The following MAST1 variants were observed in gnomAD, a reference collection of about 807,000 sequenced individuals.
The protein encoded by MAST1 is microtubule-associated serine/threonine-protein kinase 1.
Under a neutral mutation model 124.6 loss-of-function variants are expected in MAST1, and 40 were observed. That is an observed-to-expected ratio of 0.32 (90% CI 0.25 to 0.42). The LOEUF (loss-of-function observed/expected upper bound fraction) is 0.42. Ranked by LOEUF, MAST1 falls within the 10% of genes least tolerant of loss-of-function variation. MAST1 has a pLI of 1.00. For missense variants in MAST1, 1,558 were observed against 2,181.9 expected (o/e 0.71, Z 5.70); for synonymous variants, 938 against 939.4 (o/e 1.00, Z 0.03).
Position 12,867,965 on chromosome 19 carries a change from G to T in MAST1, c.2554G>T (p.Asp852Tyr), listed in dbSNP as rs372595798. The T allele has an allele frequency of 6.4e-6, 10 of 1,552,526 alleles. No individual in the cohort carries two copies. In the African/African-American group the frequency reaches 1.1e-4, roughly 17 times the overall value. ...TQGEGTSSAG[D>Y]SEATDRPRPG... is the part of the protein sequence containing the mutation. The stretch of plus-strand genomic sequence containing the variant: ...AGGGGAAGGCACCTCCAGCGCCGGG[G>T]ACTCCGAGGCCAGTGAGTGCCCTAT... The change falls in exon 20 of 26, where the codon GAC (aspartate) becomes TAC (tyrosine). Residue 852 changes from aspartate (D) to tyrosine (Y), a missense_variant. By Grantham distance (160) the Asp-to-Tyr change is radical (BLOSUM62 -3). Coordinates refer to ENST00000251472, the MANE Select transcript of MAST1 (RefSeq NM_014975.3).
rs369179397 is a variant in MAST1 at position 12,843,657 on chromosome 19, C to T, written c.327+50C>T. On this transcript the variant is annotated intron_variant, in intron 4 of 25. Transcript: ENST00000251472. The surrounding 1 kb of genome is among the most constrained non-coding windows in gnomAD (Gnocchi z 4.9). ...GGCCGGTGGGTAAGGAATTCAGGGG[C>T]CCTCCAGCCTGAAGACCCACACCCA... is the stretch of plus-strand genomic sequence containing the variant. 8.4e-6 allele frequency: 13 copies of T among 1,548,534 alleles called. No homozygotes were observed. In the African/African-American group the frequency reaches 1.4e-4, roughly 16 times the overall value.
chr19:12,867,043 G>A (rs1326038305), intron 18 of MAST1, among the ~76,000 whole-genome samples: 13 of 152,162 alleles, frequency 8.5e-5, no homozygotes, highest in Non-Finnish European at 2.9e-5. Flanking sequence ...TCAGGACGTG[G>A]GAATGAGGCC....
At chr19:12,857,644 C>T (rs1435297600) in intron 10 of MAST1, among the ~76,000 whole-genome samples, 4 of 152,120 alleles carry the variant, frequency 2.6e-5, no homozygotes, top group Middle Eastern at 6.3e-3. Flanking sequence ...GATCTCCTGA[C>T]CGCATGATCC....
chr19:12,843,649 T>C lies in MAST1; in HGVS notation c.327+42T>C, dbSNP rs1444621701. On this transcript the variant is annotated intron_variant, in intron 4 of 25. Transcript: ENST00000251472. The surrounding 1 kb of genome is among the most constrained non-coding windows in gnomAD (Gnocchi z 4.9). ...GGTGGGTGGGCCGGTGGGTAAGGAA[T>C]TCAGGGGCCCTCCAGCCTGAAGACC... The C allele has an allele frequency of 1.3e-6, 2 of 1,576,130 alleles. No homozygotes were observed. The highest frequency in any genetic ancestry group is 2.7e-5 in the African/African-American group (2 of 73,838).
Position 12,868,689 on chromosome 19 carries a change from G to A in MAST1, c.2613G>A (p.Gly871=). 1.2e-6 allele frequency: 2 copies of A among 1,611,802 alleles called. No homozygotes were observed. The highest frequency in any genetic ancestry group is 1.7e-6 in the Non-Finnish European group (2 of 1,178,440). Residue 871 remains glycine, a synonymous_variant, in exon 21 of 26, where the codon GGG becomes GGA. Transcript: ENST00000251472. Reference sequence around the variant, plus strand: ...ACCTCTGCCCACCCTCGAAGGATGGGGATGCATCAGGCCCAAGGGCTACCA... The same window carrying A: ...ACCTCTGCCCACCCTCGAAGGATGGAGATGCATCAGGCCCAAGGGCTACCA... ...PGDLCPPSKD[G]DASGPRATND... is the part of the protein sequence containing the mutation.
rs1309797984 is a variant in MAST1, at chr19:12,847,695, G to A, written c.564+8G>A. 6.2e-7 allele frequency: 1 copy of A among 1,613,410 alleles called. No homozygotes were observed. The highest frequency in any genetic ancestry group is 1.3e-5 in the African/African-American group (1 of 74,992). On this transcript the variant is annotated splice_region_variant and intron_variant, in intron 6 of 25. Transcript: ENST00000251472. This position sits in a 1 kb window ranked among gnomAD's most constrained non-coding sequence, Gnocchi z 5.5. Reference sequence around the variant, plus strand: ...AAGGAGAGGTTCCCGAAGGTGAGGTGGGACCCGAGGCGGTCACGGGGTGAC... The same window carrying A: ...AAGGAGAGGTTCCCGAAGGTGAGGTAGGACCCGAGGCGGTCACGGGGTGAC...
chr19:12,872,177 A>G (rs750243304), intron 24 of MAST1, among the ~76,000 whole-genome samples: 6 of 152,172 alleles, frequency 3.9e-5, no homozygotes, highest in Non-Finnish European at 7.3e-5. Flanking sequence ...ATGCCAGGCA[A>G]GGTTCAGCCA....
At chr19:12,858,163 A>G (rs1041965438) in intron 10 of MAST1, among the ~76,000 whole-genome samples, 199 bp from the exon 11 acceptor site, 7 of 151,756 alleles carry the variant, frequency 4.6e-5, no homozygotes, top group African/African-American at 1.2e-4. Flanking sequence ...GTTTCCTGCT[A>G]TCTTTTCTAG....
chr19:12,840,711 T>TG (rs948602207), intron 2 of MAST1, among the ~76,000 whole-genome samples, 177 bp downstream of exon 2: 2 of 151,176 alleles, frequency 1.3e-5, no homozygotes, highest in Non-Finnish European at 3.0e-5. Context: ...GGACGGTCAT[T>TG]GGGGGGCGGA....
chr19:12,849,782 ATATT>A lies in MAST1; in HGVS notation c.774+1743_774+1746del, dbSNP rs200178115. On this transcript the variant is annotated intron_variant, in intron 7 of 25. Coordinates refer to ENST00000251472, the MANE Select transcript of MAST1 (RefSeq NM_014975.3). ...ACTTGATCATTCATTAATTCCACCA[ATATT>A]TATTTATTTATTTATTTTATTTTTT... is the stretch of plus-strand genomic sequence containing the variant. Among the ~76,000 whole-genome samples the A allele has an allele frequency of 2.1e-3, 316 of 151,886 alleles. 2 individuals are homozygous for A. Among genetic ancestry groups the A allele is most frequent in the East Asian group, 0.017 (88 of 5,162 alleles).
chr19:12,869,259 TGACACG>T lies in MAST1; in HGVS notation c.2970_2975del (p.Thr991_Asp992del). The T allele has an allele frequency of 6.2e-7, 1 of 1,614,028 alleles. No homozygotes were observed. Among genetic ancestry groups the T allele is most frequent in the Non-Finnish European group, 8.5e-7 (1 of 1,179,982 alleles). On this transcript the variant is annotated inframe_deletion, in exon 22 of 26. Coordinates refer to ENST00000251472, the MANE Select transcript of MAST1 (RefSeq NM_014975.3). ...TGCGTGCCATCCGTGTCTACATGGG[TGACACG>T]GATGTCTATAGTGTCCACCACATTG... is the stretch of plus-strand genomic sequence containing the variant.
In MAST1 at chr19:12,870,784, A is replaced by G. The variant is rs370168796; in HGVS notation, c.3004-40A>G. 2.3e-5 allele frequency: 36 copies of G among 1,541,226 alleles called. No homozygotes were observed. The African/African-American group carries it at 3.0e-4, about 13-fold the overall frequency. On this transcript the variant is annotated intron_variant, in intron 22 of 25. Coordinates refer to ENST00000251472, the MANE Select transcript of MAST1 (RefSeq NM_014975.3). ...AGTTTAGGAGCTTTCCTTGTTACCAATCCCACTAACCCTGTCCCTATGGGG... is the reference window on the plus strand; with the variant it reads ...AGTTTAGGAGCTTTCCTTGTTACCAGTCCCACTAACCCTGTCCCTATGGGG...
At position 12,847,566 on chromosome 19, in the gene MAST1, G is replaced by A. The variant is rs1479676402; in HGVS notation, c.489-46G>A. On this transcript the variant is annotated intron_variant, in intron 5 of 25. Coordinates refer to ENST00000251472, the MANE Select transcript of MAST1 (RefSeq NM_014975.3). The surrounding 1 kb of genome is among the most constrained non-coding windows in gnomAD (Gnocchi z 5.5). ...CATCTTGGGGCGGGGGCTCTCTGCG[G>A]GCTTGGAGGCAGAGGACTCGACAAA... 1 of 1,613,258 alleles carries A rather than the reference G, an allele frequency of 6.2e-7. No homozygotes were observed. The highest frequency in any genetic ancestry group is 8.5e-7 in the Non-Finnish European group (1 of 1,179,392).
chr19:12,871,185 G>C lies in MAST1; in HGVS notation c.3263+13G>C. On this transcript the variant is annotated intron_variant, in intron 24 of 25. Transcript: ENST00000251472. ...AGGGCCAGGAGAGGTGGGCACAGCCGTAAACAGCCTGGTCTTTGAGCAGTG... is the reference window on the plus strand; with the variant it reads ...AGGGCCAGGAGAGGTGGGCACAGCCCTAAACAGCCTGGTCTTTGAGCAGTG... The C allele has an allele frequency of 1.2e-6, 2 of 1,613,830 alleles. No homozygotes were observed. Among genetic ancestry groups the C allele is most frequent in the South Asian group, 1.1e-5 (1 of 91,062 alleles).
At chr19:12,863,071 C>T (rs1453145386) in intron 12 of MAST1, among the ~76,000 whole-genome samples, 1 of 149,840 alleles carries the variant, frequency 6.7e-6, no homozygotes, top group African/African-American at 2.5e-5. Flanking sequence ...ATCTCTTGAA[C>T]CCGGGGGCGG....
chr19:12,873,930 C>T lies in MAST1; in HGVS notation c.3773C>T (p.Ser1258Leu). ...PRPKSAEPPR[S>L]PLLKRVQSAE... ...CCCAAGAGTGCCGAGCCCCCTCGCT[C>T]GCCGCTCCTCAAGCGCGTGCAGTCG... Residue 1258 changes from serine (S) to leucine (L), a missense_variant, in exon 26 of 26, where the codon TCG (serine) becomes TTG (leucine). Physicochemically the swap from Ser to Leu is moderately radical, Grantham distance 145. Coordinates refer to ENST00000251472, the MANE Select transcript of MAST1 (RefSeq NM_014975.3). 1 of 1,589,212 alleles carries T rather than the reference C, an allele frequency of 6.3e-7. No individual in the cohort carries two copies. Among genetic ancestry groups the T allele is most frequent in the Non-Finnish European group, 8.5e-7 (1 of 1,175,422 alleles).
In MAST1 at chr19:12,847,264, G is replaced by T; in HGVS notation, c.328-26G>T. ...CTGTTGGGGGGCCCATGGTGGCTCT[G>T]ACCCCGGCCCTGCCCCTGTCCCCAG... On this transcript the variant is annotated intron_variant, in intron 4 of 25. Transcript: ENST00000251472. The surrounding 1 kb of genome is among the most constrained non-coding windows in gnomAD (Gnocchi z 5.5). 1 of 1,567,298 alleles carries T rather than the reference G, an allele frequency of 6.4e-7. No homozygotes were observed. Among genetic ancestry groups the T allele is most frequent in the South Asian group, 1.1e-5 (1 of 89,594 alleles).
intron 12 of MAST1, among the ~76,000 whole-genome samples, chr19:12,864,112 A>T (rs1568412903): frequency 6.6e-6 from 1 of 151,906 alleles, no homozygotes; most frequent in East Asian, 1.9e-4. Flanking sequence ...CTTTTTTCAG[A>T]GATGGGGTTT....
Position 12,866,597 on chromosome 19 carries a change from A to T in MAST1, c.2030-56A>T. 1 of 1,152,564 alleles carries T rather than the reference A, an allele frequency of 8.7e-7. No homozygotes were observed. The highest frequency in any genetic ancestry group is 1.3e-6 in the Non-Finnish European group (1 of 776,030). The allele number at this position is 1,152,564 out of a possible 1,614,324, so 71.4% of individuals were successfully genotyped here. Reference sequence around the variant, plus strand: ...GAACCAGGACTGGGCTCCTGTGGGGATGTGATATGAGGAGGAACCCCGTAC... The same window carrying T: ...GAACCAGGACTGGGCTCCTGTGGGGTTGTGATATGAGGAGGAACCCCGTAC... On this transcript the variant is annotated intron_variant, in intron 17 of 25. Transcript: ENST00000251472. The surrounding 1 kb of genome is among the most constrained non-coding windows in gnomAD (Gnocchi z 5.2).
Sources: gnomAD v4.1 joint callset for allele counts (sites outside exome capture counted in the v4.1 genomes callset) on GRCh38, gnomAD v4.1.1 for gene constraint, Gnocchi (gnomAD v3.1) non-coding constraint, MANE v1.5 for transcripts, NCBI Gene and HGNC (gene_info 2026-07-23, HGNC 2026-07-21) for gene names.